PLEKHM3: variants seen among roughly 807,000 people sequenced by gnomAD.
PLEKHM3 encodes pleckstrin homology domain-containing family M member 3.
PLEKHM3 carries 45 observed loss-of-function variants against 81.8 expected under a neutral mutation model. The ratio of observed to expected loss-of-function variants is 0.55; its 90% CI spans 0.43 to 0.71. The LOEUF (loss-of-function observed/expected upper bound fraction) is 0.71, where lower values mean the gene tolerates loss of function less well. Ranked by LOEUF, PLEKHM3 falls within the 30% of genes least tolerant of loss-of-function variation. The pLI is 0.00. For synonymous variants in PLEKHM3, 352 were observed against 356.4 expected (o/e 0.99, Z 0.14); for missense variants, 788 against 924.3 (o/e 0.85, Z 1.91).
chr2:207,884,428 A>G (rs184034137), intron 6 of PLEKHM3, among the ~76,000 whole-genome samples: 1 of 152,358 alleles, frequency 6.6e-6, no homozygotes, highest in African/African-American at 2.4e-5. Flanking sequence ...AAGATCTGGT[A>G]TACAGGAAAG....
rs1197694646 is a variant in PLEKHM3, at chr2:207,824,773, G to A, written c.*3546C>T. ...CTCTAGCTGAGCAAAGGCTGCATTC[G>A]GCAACTAGGGTGGTGTAAACACCTC... On this transcript the variant is annotated 3_prime_UTR_variant, in exon 8 of 8. Coordinates refer to ENST00000427836, the MANE Select transcript of PLEKHM3 (RefSeq NM_001080475.3). 1 of 152,248 alleles carries A rather than the reference G, an allele frequency of 6.6e-6. No homozygotes were observed. The highest frequency in any genetic ancestry group is 1.5e-5 in the Non-Finnish European group (1 of 68,074). The allele number at this position is 152,248 out of a possible 1,614,324, so 9.4% of individuals were successfully genotyped here.
At chr2:207,972,522 G>C (rs908606456) in intron 3 of PLEKHM3, among the ~76,000 whole-genome samples, 1 of 151,522 alleles carries the variant, frequency 6.6e-6, no homozygotes, top group Non-Finnish European at 1.5e-5. Flanking sequence ...AGGAGGCGGA[G>C]GTTGCAGTGA....
At chr2:207,903,525 A>G (rs987395869) in intron 6 of PLEKHM3, among the ~76,000 whole-genome samples, 2 of 152,226 alleles carry the variant, frequency 1.3e-5, no homozygotes, top group African/African-American at 2.4e-5. Context: ...ATTAATATAC[A>G]TTTTAGGTTT....
intron 6 of PLEKHM3, among the ~76,000 whole-genome samples, chr2:207,891,013 T>G (rs1186858886): frequency 6.6e-6 from 1 of 152,196 alleles, no homozygotes; most frequent in Admixed American, 6.5e-5. Context: ...GTGAAATAAA[T>G]TGTTATCCAT....
At chr2:207,830,057 G>T (rs987111541) in intron 7 of PLEKHM3, among the ~76,000 whole-genome samples, 13 of 152,140 alleles carry the variant, frequency 8.5e-5, no homozygotes, top group African/African-American at 2.9e-4. Context: ...AAGTGTGTGT[G>T]TATGTGGGTG....
intron 6 of PLEKHM3, among the ~76,000 whole-genome samples, chr2:207,862,995 G>T (rs960008205): frequency 6.6e-6 from 1 of 152,198 alleles, no homozygotes; most frequent in Non-Finnish European, 1.5e-5. Flanking sequence ...CTGTGGTGAG[G>T]TTGCACCAGG....
Position 207,908,460 on chromosome 2 carries a change from A to G in PLEKHM3, c.1950+54T>C. On this transcript the variant is annotated intron_variant, in intron 6 of 7. Transcript: ENST00000427836. Reference sequence around the variant, plus strand: ...TACGGTGCAAAGACCAAAGTCAACAAAGAGACTTCTCCAGGAAAGCAACAA... The same window carrying G: ...TACGGTGCAAAGACCAAAGTCAACAGAGAGACTTCTCCAGGAAAGCAACAA... 7.2e-6 allele frequency: 11 copies of G among 1,525,638 alleles called. No individual in the cohort carries two copies. The South Asian group carries it at 1.2e-4, about 16-fold the overall frequency. 94.5% of individuals were successfully genotyped at this position (1,525,638 alleles called of 1,614,324 possible).
chr2:207,960,511 T>C (rs1690692237), intron 3 of PLEKHM3, among the ~76,000 whole-genome samples: 1 of 152,212 alleles, frequency 6.6e-6, no homozygotes, highest in African/African-American at 2.4e-5. Context: ...ATAAATGTGA[T>C]CTGGAAGCAA....
rs147588446 is a variant in PLEKHM3, at chr2:207,828,761, G to A, written c.2109-265C>T. On this transcript the variant is annotated intron_variant, in intron 7 of 7. Transcript: ENST00000427836. ...GAGTCCGCAGTCACCCAGCAATTCT[G>A]GTTATAGTGACAATGGACAGAACAC... 3.2e-4 allele frequency among the ~76,000 whole-genome samples: 48 copies of A among 152,290 alleles called. No individual in the cohort carries two copies. In the South Asian group the frequency reaches 5.8e-3, roughly 18 times the overall value.
intron 7 of PLEKHM3, among the ~76,000 whole-genome samples, chr2:207,858,399 A>G (rs2092448448): frequency 6.6e-6 from 1 of 151,860 alleles, no homozygotes; most frequent in Non-Finnish European, 1.5e-5. Context: ...CGCTTGGTAT[A>G]GTCTCAAAAT....
intron 4 of PLEKHM3, among the ~76,000 whole-genome samples, chr2:207,944,632 G>C (rs1192141454): frequency 2.0e-5 from 3 of 152,138 alleles, no homozygotes; most frequent in African/African-American, 7.2e-5. Context: ...AAAAGAATCT[G>C]ATGAAAGCTA....
At chr2:207,832,582 A>C (rs556279670) in intron 7 of PLEKHM3, among the ~76,000 whole-genome samples, 116 of 151,986 alleles carry the variant, frequency 7.6e-4, no homozygotes, top group African/African-American at 2.7e-3. Flanking sequence ...ACCTGAGGTC[A>C]GGAGTTCGAG....
chr2:207,906,218 AGGT>A (rs1688603466), intron 6 of PLEKHM3, among the ~76,000 whole-genome samples: 1 of 152,224 alleles, frequency 6.6e-6, no homozygotes, highest in Admixed American at 6.5e-5. Context: ...CACTACGATC[AGGT>A]AGACTTCAGA....
chr2:207,922,447 G>C (rs1203612234), intron 5 of PLEKHM3, among the ~76,000 whole-genome samples: 1 of 152,142 alleles, frequency 6.6e-6, no homozygotes, highest in Admixed American at 6.5e-5. Context: ...TAGGTTTTGA[G>C]GACAATCATG....
intron 7 of PLEKHM3, among the ~76,000 whole-genome samples, chr2:207,835,909 G>A (rs1225165530): frequency 6.6e-6 from 1 of 152,190 alleles, no homozygotes. Context: ...AGCTAGAGAT[G>A]ACAGCCATTT....
chr2:207,926,939 C>T (rs987377446), intron 5 of PLEKHM3, among the ~76,000 whole-genome samples: 7 of 152,188 alleles, frequency 4.6e-5, no homozygotes, highest in Admixed American at 3.9e-4. Context: ...AGTTTTCTCA[C>T]GACAGCAATA....
chr2:207,821,291 T>C lies in PLEKHM3; in HGVS notation c.*7028A>G, dbSNP rs1400611022. On this transcript the variant is annotated 3_prime_UTR_variant, in exon 8 of 8. Coordinates refer to ENST00000427836, the MANE Select transcript of PLEKHM3 (RefSeq NM_001080475.3). ...AAGTTGTTATGAGAAAGGAAAGTAT[T>C]TTCTGCATTGTTTATTGAGAGAGAG... 6.6e-6 allele frequency: 1 copy of C among 151,962 alleles called. No homozygotes were observed. The highest frequency in any genetic ancestry group is 1.5e-5 in the Non-Finnish European group (1 of 68,018). The allele number at this position is 151,962 out of a possible 1,614,324, so 9.4% of individuals were successfully genotyped here.
intron 3 of PLEKHM3, among the ~76,000 whole-genome samples, chr2:207,971,243 G>T (rs1387382755): frequency 6.6e-6 from 1 of 152,186 alleles, no homozygotes; most frequent in East Asian, 1.9e-4. Flanking sequence ...ATCTGTGTGT[G>T]CTAGTGCCAA....
At chr2:207,886,699 A>C (rs1687896029) in intron 6 of PLEKHM3, among the ~76,000 whole-genome samples, 1 of 152,222 alleles carries the variant, frequency 6.6e-6, no homozygotes, top group Non-Finnish European at 1.5e-5. Context: ...TGTTTGATTT[A>C]ACCTGAAGGA....
Sources: allele counts gnomAD v4.1 joint callset (sites outside exome capture counted in the v4.1 genomes callset), GRCh38; gene constraint gnomAD v4.1.1; transcripts MANE v1.5; gene names NCBI Gene and HGNC (gene_info 2026-07-23, HGNC 2026-07-21).